ZNF423: variants seen among roughly 807,000 people sequenced by gnomAD.
The protein encoded by ZNF423 is Ebf-associated zinc finger protein.
ZNF423 carries 12 observed loss-of-function variants against 95.8 expected under a neutral mutation model. The observed-to-expected ratio is 0.13, with a 90% CI of 0.08 to 0.20. The LOEUF is 0.20. ZNF423 is among the 10% of genes least tolerant of loss of function. The pLI is 1.00. For missense variants in ZNF423, 1,316 were observed against 1,737.1 expected (o/e 0.76, Z 4.31); for synonymous variants, 749 against 711.9 (o/e 1.05, Z -0.83).
At chr16:49,799,816 T>C (rs1362860650) in intron 1 of ZNF423, among the ~76,000 whole-genome samples, 1 of 152,174 alleles carries the variant, frequency 6.6e-6, no homozygotes, top group Admixed American at 6.5e-5. Context: ...TTAAGACAGG[T>C]TCTCACTGTG....
chr16:49,610,354 T>C (rs746018336), intron 5 of ZNF423, among the ~76,000 whole-genome samples: 6 of 152,136 alleles, frequency 3.9e-5, no homozygotes, highest in Non-Finnish European at 5.9e-5. Flanking sequence ...TCTGATGTAG[T>C]ACTAAATATA....
intron 5 of ZNF423, among the ~76,000 whole-genome samples, chr16:49,612,492 A>G (rs1310223285): frequency 6.6e-6 from 1 of 152,056 alleles, no homozygotes; most frequent in South Asian, 2.1e-4. Context: ...CAAACAAACA[A>G]ACAAAAAATG....
chr16:49,598,793 G>A (rs1398217471), intron 5 of ZNF423, among the ~76,000 whole-genome samples: 2 of 152,224 alleles, frequency 1.3e-5, no homozygotes, highest in East Asian at 3.8e-4. Flanking sequence ...GAAGTGGTCG[G>A]GGGTGATGTT....
At chr16:49,749,501 A>G (rs1462583119) in intron 2 of ZNF423, among the ~76,000 whole-genome samples, 1 of 152,262 alleles carries the variant, frequency 6.6e-6, no homozygotes, top group Non-Finnish European at 1.5e-5. Flanking sequence ...AAAAATAGTA[A>G]AAAACACCTG....
rs1474949134 is a variant in ZNF423, at chr16:49,806,184, G to C, written c.41-16638C>G. On this transcript the variant is annotated intron_variant, in intron 1 of 7. Transcript: ENST00000563137. ...AACACTGGGCTCTCGCCCACCAGCT[G>C]GGAAATGCTGATGGAAGGTGGTGGA... 2.6e-5 allele frequency among the ~76,000 whole-genome samples: 4 copies of C among 152,246 alleles called. 1 individual carries two copies. Among genetic ancestry groups the C allele is most frequent in the African/African-American group, 9.6e-5 (4 of 41,474 alleles).
At chr16:49,558,451 T>C (rs1284947787) in intron 5 of ZNF423, among the ~76,000 whole-genome samples, 1 of 152,184 alleles carries the variant, frequency 6.6e-6, no homozygotes, top group East Asian at 1.9e-4. Flanking sequence ...CCTGGGTCAC[T>C]TCCCAACTTG....
At position 49,646,420 on chromosome 16, in the gene ZNF423, C is replaced by T. The variant is rs563319354; in HGVS notation, c.302-7546G>A. On this transcript the variant is annotated intron_variant, in intron 3 of 7. Transcript: ENST00000563137. ...AGAATACTCCTCAACTCAATTACAT[C>T]CCTGCCTGTAAAACTAGCATCAGTG... Among the ~76,000 whole-genome samples, 15 of 152,226 alleles carry T rather than the reference C, an allele frequency of 9.9e-5. No individual in the cohort carries two copies. In the East Asian group the frequency reaches 2.3e-3, roughly 24 times the overall value.
At chr16:49,568,827 G>A (rs759093215) in intron 5 of ZNF423, among the ~76,000 whole-genome samples, 18 of 152,060 alleles carry the variant, frequency 1.2e-4, no homozygotes, top group Non-Finnish European at 2.2e-4. Flanking sequence ...CAGGCCTCTT[G>A]TCCCAGCACA....
At chr16:49,774,918 A>C (rs1476084157) in intron 2 of ZNF423, among the ~76,000 whole-genome samples, 1 of 152,222 alleles carries the variant, frequency 6.6e-6, no homozygotes, top group Admixed American at 6.5e-5. Context: ...TCTATGACTC[A>C]AAGCATCCAC....
chr16:49,653,849 T>C (rs944759100), intron 3 of ZNF423, among the ~76,000 whole-genome samples: 1 of 152,310 alleles, frequency 6.6e-6, no homozygotes, highest in East Asian at 1.9e-4. Flanking sequence ...CTGTTTATAT[T>C]TGAGTGGTTG....
intron 2 of ZNF423, among the ~76,000 whole-genome samples, chr16:49,782,696 G>A (rs1323620299): frequency 1.3e-5 from 2 of 152,274 alleles, no homozygotes; most frequent in African/African-American, 4.8e-5. Flanking sequence ...GCCTCTCCCT[G>A]CTGCTGTTCC....
intron 2 of ZNF423, among the ~76,000 whole-genome samples, chr16:49,742,494 A>T (rs1028692745): frequency 6.6e-6 from 1 of 152,196 alleles, no homozygotes. Context: ...GCAGTAATGA[A>T]GAACAGTCAG....
upstream of ZNF423, among the ~76,000 whole-genome samples, chr16:49,856,756 C>A (rs2035375474): frequency 6.8e-6 from 1 of 146,890 alleles, no homozygotes; most frequent in South Asian, 2.2e-4. Context: ...GCCCGTGCGC[C>A]GGGCCGCCGC....
rs1436663364 is a variant in ZNF423 at position 49,525,351 on chromosome 16, T to G, written c.3733+12A>C. The G allele has an allele frequency of 1.2e-6, 2 of 1,613,798 alleles. No homozygotes were observed. Among genetic ancestry groups the G allele is most frequent in the Non-Finnish European group, 1.7e-6 (2 of 1,179,864 alleles). ...TCTCTCTCCCCTGAGGGGCACAAGC[T>G]GGGTACCTTACCTGTGAAACACACG... On this transcript the variant is annotated intron_variant, in intron 6 of 7. Transcript: ENST00000563137.
rs1350111102 is a variant in ZNF423, at chr16:49,492,845, C to T, written c.3850-1541G>A. Among the ~76,000 whole-genome samples, 3 of 152,188 alleles carry T rather than the reference C, an allele frequency of 2.0e-5. No homozygotes were observed. Among genetic ancestry groups the T allele is most frequent in the Non-Finnish European group, 4.4e-5 (3 of 68,036 alleles). On this transcript the variant is annotated intron_variant, in intron 7 of 7. Coordinates refer to ENST00000563137, the MANE Select transcript of ZNF423 (RefSeq NM_001379286.1). This position sits in a 1 kb window ranked among gnomAD's most constrained non-coding sequence, Gnocchi z 4.2. ...AAGGCAAAAATTACAGGCCCAAGGT[C>T]ACCCAGGTTGGAAGCACCGGGCACT...
chr16:49,657,306 A>G (rs1161233642), intron 3 of ZNF423, among the ~76,000 whole-genome samples: 2 of 152,098 alleles, frequency 1.3e-5, no homozygotes, highest in Non-Finnish European at 2.9e-5. Context: ...CTCCCCAAAA[A>G]CACTCCCTGT....
intron 5 of ZNF423, among the ~76,000 whole-genome samples, chr16:49,575,148 G>A (rs1437138973): frequency 2.0e-5 from 3 of 152,072 alleles, no homozygotes; most frequent in Non-Finnish European, 2.9e-5. Context: ...TCATTCACGC[G>A]AACCCAGGCA....
At chr16:49,600,029 A>AG (rs1422216995) in intron 5 of ZNF423, among the ~76,000 whole-genome samples, 4 of 152,072 alleles carry the variant, frequency 2.6e-5, no homozygotes, top group Admixed American at 6.6e-5. Context: ...CTCAATTAAA[A>AG]GGGGCAAGAG....
chr16:49,589,681 A>G (rs1033537384), intron 5 of ZNF423, among the ~76,000 whole-genome samples: 4 of 152,142 alleles, frequency 2.6e-5, no homozygotes, highest in Non-Finnish European at 5.9e-5. Flanking sequence ...AAGGCTGATA[A>G]TTTAAATGAA....
Sources: allele counts gnomAD v4.1 joint callset (sites outside exome capture counted in the v4.1 genomes callset), GRCh38; gene constraint gnomAD v4.1.1; non-coding constraint Gnocchi (gnomAD v3.1); transcripts MANE v1.5; gene names NCBI Gene and HGNC (gene_info 2026-07-23, HGNC 2026-07-21).